Variants in CDC14A observed in about 807,000 individuals in gnomAD.
CDC14A encodes the protein dual specificity protein phosphatase CDC14A.
CDC14A carries 53 observed loss-of-function variants against 74.4 expected under a neutral mutation model. The observed-to-expected ratio is 0.71, with a 90% CI of 0.57 to 0.89. CDC14A has a LOEUF of 0.89. Ranked by LOEUF, CDC14A falls within the 40% of genes least tolerant of loss-of-function variation. The probability of loss-of-function intolerance (pLI) is 0.00; values close to 1 mark genes in which losing one functional copy is unlikely to be tolerated. For synonymous variants in CDC14A, 247 were observed against 258.4 expected (o/e 0.96, Z 0.43); for missense variants, 646 against 713.7 (o/e 0.91, Z 1.08).
chr1:100,419,686 T>G (rs1331538725), intron 4 of CDC14A, among the ~76,000 whole-genome samples: 1 of 152,172 alleles, frequency 6.6e-6, no homozygotes, highest in Non-Finnish European at 1.5e-5. Flanking sequence ...TGGTAAATCA[T>G]AGTGCTTTAA....
intron 4 of CDC14A, among the ~76,000 whole-genome samples, chr1:100,415,049 A>G (rs1257508783): frequency 6.6e-6 from 1 of 152,096 alleles, no homozygotes; most frequent in Non-Finnish European, 1.5e-5. Context: ...CTAGCAAGAG[A>G]TGTGCATTTG....
chr1:100,493,264 C>T (rs1647267157), intron 11 of CDC14A, among the ~76,000 whole-genome samples: 1 of 152,118 alleles, frequency 6.6e-6, no homozygotes, highest in Admixed American at 6.5e-5. Flanking sequence ...TCAGGTCCTC[C>T]TAGAAGCTTT....
chr1:100,513,761 C>T (rs1302385431), intron 15 of CDC14A, among the ~76,000 whole-genome samples: 2 of 152,102 alleles, frequency 1.3e-5, no homozygotes, highest in Non-Finnish European at 2.9e-5. Context: ...TTTAAAGTTA[C>T]TACCTACATC....
intron 11 of CDC14A, among the ~76,000 whole-genome samples, chr1:100,492,864 A>ATGTG (rs959678597): frequency 7.8e-6 from 1 of 128,216 alleles, no homozygotes; most frequent in East Asian, 2.2e-4. Flanking sequence ...GTGTGTGTGT[A>ATGTG]TGTGTGTGTG....
rs533135526 is a variant in CDC14A, at chr1:100,364,581, G to A, written c.140+10729G>A. On this transcript the variant is annotated intron_variant, in intron 2 of 15. Coordinates refer to ENST00000336454, the MANE Select transcript of CDC14A (RefSeq NM_003672.4). ...GAGCCTCAGCCACTTTATGAAATCT[G>A]AGGGTTAGCCTTTTATGTATGGGGG... is the stretch of plus-strand genomic sequence containing the variant. Among the ~76,000 whole-genome samples the A allele has an allele frequency of 3.9e-5, 6 of 152,264 alleles. No individual in the cohort carries two copies. The East Asian group carries it at 1.2e-3, about 29-fold the overall frequency.
chr1:100,386,028 G>A (rs1051071488), intron 3 of CDC14A, among the ~76,000 whole-genome samples: 2 of 151,722 alleles, frequency 1.3e-5, no homozygotes, highest in South Asian at 2.1e-4. Context: ...TTAGCCAGGC[G>A]TGGTGTCACC....
chr1:100,494,657 G>A (rs539361230), intron 11 of CDC14A, among the ~76,000 whole-genome samples, 161 bp from the exon 12 acceptor site: 21 of 152,258 alleles, frequency 1.4e-4, no homozygotes, highest in African/African-American at 5.1e-4. Flanking sequence ...ATAGTTGAGT[G>A]TTCTTTTGTG....
chr1:100,455,311 TAA>T, intron 7 of CDC14A, 92 bp from the exon 8 acceptor site: 1 of 762,728 alleles, frequency 1.3e-6, no homozygotes, highest in African/African-American at 1.8e-5. Context: ...TAATTAGTAC[TAA>T]GAGTGAAAAG....
chr1:100,401,344 G>A (rs1659235104), intron 4 of CDC14A, among the ~76,000 whole-genome samples: 1 of 152,160 alleles, frequency 6.6e-6, no homozygotes, highest in Admixed American at 6.5e-5. Context: ...ATGAATGACT[G>A]TTTAATTGAT....
In CDC14A at chr1:100,487,910, G is replaced by A. The variant is rs139100065; in HGVS notation, c.1137+3459G>A. ...CCTGCTCGGTGATACTCTCTAGGAA[G>A]GCAGAGACTTTTATTTGTCTTCATC... On this transcript the variant is annotated intron_variant, in intron 11 of 15. Coordinates refer to ENST00000336454, the MANE Select transcript of CDC14A (RefSeq NM_003672.4). Among the ~76,000 whole-genome samples, 542 of 152,228 alleles carry A rather than the reference G, an allele frequency of 3.6e-3. 4 individuals carry two copies. The highest frequency in any genetic ancestry group is 0.014 in the Middle Eastern group (4 of 294).
chr1:100,498,014 T>A, intron 13 of CDC14A, 71 bp from the exon 14 acceptor site: 1 of 1,478,008 alleles, frequency 6.8e-7, no homozygotes, highest in Non-Finnish European at 9.3e-7. Flanking sequence ...ATTTATCTTG[T>A]CCTAGTTAGT....
At chr1:100,404,999 G>C (rs57584762) in intron 4 of CDC14A, among the ~76,000 whole-genome samples, 9,964 of 152,262 alleles carry the variant, frequency 0.065, 668 homozygotes, top group African/African-American at 0.17. Flanking sequence ...TGAGCAGACA[G>C]ACAAGCCTTT....
chr1:100,450,386 C>T (rs1173775590), intron 7 of CDC14A, among the ~76,000 whole-genome samples: 1 of 152,140 alleles, frequency 6.6e-6, no homozygotes, highest in African/African-American at 2.4e-5. Context: ...CTTGGTCTGC[C>T]TTCTTTACAT....
intron 5 of CDC14A, among the ~76,000 whole-genome samples, chr1:100,433,361 G>A (rs923327843): frequency 4.6e-5 from 7 of 152,122 alleles, no homozygotes; most frequent in East Asian, 1.9e-4. Context: ...CACGTTTCCC[G>A]TCCTTAAGAA....
intron 7 of CDC14A, among the ~76,000 whole-genome samples, chr1:100,450,111 G>A (rs534948755): frequency 1.8e-4 from 27 of 152,082 alleles, no homozygotes; most frequent in Admixed American, 8.5e-4. Context: ...TTTAATATGT[G>A]AGTGGGGACC....
chr1:100,485,391 AGG>A, intron 11 of CDC14A: 1 of 842,712 alleles, frequency 1.2e-6, no homozygotes, highest in Non-Finnish European at 1.4e-6. Flanking sequence ...AAAGAAAAAA[AGG>A]ACCTGTTCAA....
chr1:100,377,402 T>A (rs912925741), intron 2 of CDC14A, 144 bp from the exon 3 acceptor site: 1 of 631,618 alleles, frequency 1.6e-6, no homozygotes, highest in Admixed American at 2.9e-5. Flanking sequence ...AACCATTAGT[T>A]ATTTGGATTA....
intron 10 of CDC14A, 140 bp from the exon 11 acceptor site, chr1:100,484,152 C>A (rs938292705): frequency 2.1e-6 from 1 of 485,394 alleles, no homozygotes. Context: ...TCTAAGATAT[C>A]ATAATCTTTC....
At chr1:100,433,096 T>C (rs561520493) in intron 5 of CDC14A, among the ~76,000 whole-genome samples, 1 of 152,060 alleles carries the variant, frequency 6.6e-6, no homozygotes, top group East Asian at 1.9e-4. Flanking sequence ...TCCAGGCTAG[T>C]CTCAAACTAC....
Sources: allele counts gnomAD v4.1 joint callset (sites outside exome capture counted in the v4.1 genomes callset), GRCh38; gene constraint gnomAD v4.1.1; transcripts MANE v1.5; gene names NCBI Gene and HGNC (gene_info 2026-07-23, HGNC 2026-07-21).